The following PRKCB variants were observed in gnomAD, a reference collection of about 807,000 sequenced individuals.
PRKCB encodes protein kinase C beta type.
PRKCB carries 13 observed loss-of-function variants against 81.5 expected under a neutral mutation model. That is an observed-to-expected ratio of 0.16 (90% CI 0.10 to 0.25). PRKCB has a LOEUF of 0.25. PRKCB is among the 10% of genes least tolerant of loss of function. The probability of loss-of-function intolerance (pLI) is 1.00; values close to 1 mark genes in which losing one functional copy is unlikely to be tolerated. For missense variants in PRKCB, 509 were observed against 875.7 expected, an observed-to-expected ratio of 0.58 and a Z score of 5.29; for synonymous variants, 335 against 321.4, an observed-to-expected ratio of 1.04 and a Z score of -0.45.
intron 2 of PRKCB, among the ~76,000 whole-genome samples, chr16:23,957,220 T>G (rs1964361406): frequency 6.6e-6 from 1 of 152,068 alleles, no homozygotes; most frequent in Non-Finnish European, 1.5e-5. Flanking sequence ...TGAATAAAGT[T>G]GAAGTTAATA....
chr16:23,846,290 A>G (rs1962366815), intron 2 of PRKCB, among the ~76,000 whole-genome samples: 1 of 152,078 alleles, frequency 6.6e-6, no homozygotes, highest in Non-Finnish European at 1.5e-5. Context: ...TTTTAATTAT[A>G]AAGGAACTAC....
rs1309322804 is a variant in PRKCB, at chr16:23,898,267, T to A, written c.205+60861T>A. Among the ~76,000 whole-genome samples the A allele has an allele frequency of 3.9e-5, 6 of 152,002 alleles. No homozygotes were observed. The South Asian group carries it at 1.2e-3, about 32-fold the overall frequency. ...TTTTTAGTAGAGACAGGGTTTCACC[T>A]TGTTAGCCAGGATGGTCTTGATCTC... On this transcript the variant is annotated intron_variant, in intron 2 of 16. Transcript: ENST00000643927.
intron 9 of PRKCB, among the ~76,000 whole-genome samples, chr16:24,131,791 T>C (rs1056223791): frequency 6.6e-6 from 1 of 152,208 alleles, no homozygotes; most frequent in Non-Finnish European, 1.5e-5. Context: ...GAAGAGTAAT[T>C]TTGTTCTTGT....
chr16:24,116,766 T>TC (rs141141173), intron 8 of PRKCB, among the ~76,000 whole-genome samples: 6,715 of 152,328 alleles, frequency 0.044, 478 homozygotes, highest in African/African-American at 0.15. Flanking sequence ...TGAAGTGGTA[T>TC]CATTTGCTGC....
chr16:24,109,103 G>C (rs1406058201), intron 7 of PRKCB, among the ~76,000 whole-genome samples: 4 of 146,086 alleles, frequency 2.7e-5, no homozygotes, highest in Non-Finnish European at 6.1e-5. Context: ...CAGTAGGGGC[G>C]GCCGGGCAGA....
At chr16:23,920,820 T>G (rs149997872) in intron 2 of PRKCB, among the ~76,000 whole-genome samples, 1 of 152,344 alleles carries the variant, frequency 6.6e-6, no homozygotes, top group East Asian at 1.9e-4. Flanking sequence ...CACATTCTGT[T>G]GCCTTCTACA....
At chr16:23,919,879 C>A (rs1597246015) in intron 2 of PRKCB, among the ~76,000 whole-genome samples, 1 of 152,292 alleles carries the variant, frequency 6.6e-6, no homozygotes, top group East Asian at 1.9e-4. Flanking sequence ...TTATAGACTG[C>A]ACTTTTTTAT....
intron 5 of PRKCB, among the ~76,000 whole-genome samples, chr16:24,078,027 G>A (rs1408056219): frequency 6.6e-6 from 1 of 152,224 alleles, no homozygotes; most frequent in Non-Finnish European, 1.5e-5. Flanking sequence ...ATCACTTAAC[G>A]TTCTCACTGA....
intron 2 of PRKCB, among the ~76,000 whole-genome samples, chr16:23,839,473 G>T (rs1473132827): frequency 1.3e-5 from 2 of 152,066 alleles, no homozygotes; most frequent in African/African-American, 2.4e-5. Context: ...AAGGGGTCTT[G>T]TGATGTTGCA....
intron 16 of PRKCB, among the ~76,000 whole-genome samples, chr16:24,201,674 A>C (rs1298633064): frequency 6.6e-6 from 1 of 152,196 alleles, no homozygotes; most frequent in African/African-American, 2.4e-5. Context: ...TTGAAAAAAG[A>C]GAAGGAATGT....
intron 10 of PRKCB, among the ~76,000 whole-genome samples, chr16:24,156,942 G>A (rs1374566183): frequency 6.6e-6 from 1 of 152,220 alleles, no homozygotes; most frequent in Non-Finnish European, 1.5e-5. Flanking sequence ...CTGAGCAGCA[G>A]CAGTTTTCCA....
At position 24,201,609 on chromosome 16, in the gene PRKCB, C is replaced by T. The variant is rs149140624; in HGVS notation, c.1863+10379C>T. ...AGGGGGATGGAATGTGCTGATTGAC[C>T]GGGCCTGGGTCACCAGCCCCTCTTA... On this transcript the variant is annotated intron_variant, in intron 16 of 16. Coordinates refer to ENST00000643927, the MANE Select transcript of PRKCB (RefSeq NM_002738.7). Among the ~76,000 whole-genome samples the T allele has an allele frequency of 1.6e-3, 237 of 152,280 alleles. 1 individual carries two copies. The highest frequency in any genetic ancestry group is 1.9e-3 in the Non-Finnish European group (131 of 68,016).
At chr16:24,050,282 A>G (rs1359887081) in intron 5 of PRKCB, among the ~76,000 whole-genome samples, 1 of 152,198 alleles carries the variant, frequency 6.6e-6, no homozygotes, top group Non-Finnish European at 1.5e-5. Context: ...GTATGCCATC[A>G]TTGATGTCAA....
At chr16:24,143,201 C>T (rs1463287543) in intron 9 of PRKCB, among the ~76,000 whole-genome samples, 7 of 152,060 alleles carry the variant, frequency 4.6e-5, no homozygotes, top group Admixed American at 1.3e-4. Flanking sequence ...GGCATGATCT[C>T]GGCTCACTGC....
chr16:24,096,343 G>C (rs1385313534), intron 7 of PRKCB, among the ~76,000 whole-genome samples: 1 of 152,132 alleles, frequency 6.6e-6, no homozygotes, highest in Non-Finnish European at 1.5e-5. Flanking sequence ...CGTAAGGGCA[G>C]TTTGGAGGTT....
rs1018352542 is a variant in PRKCB, at chr16:24,003,373, T to C, written c.288+14783T>C. ...GCAACCCTAGTGGAGGAATTAGCCT[T>C]CTTCCTGCATTCGTTTTTTTTTTTT... On this transcript the variant is annotated intron_variant, in intron 3 of 16. Coordinates refer to ENST00000643927, the MANE Select transcript of PRKCB (RefSeq NM_002738.7). 8.4e-5 allele frequency among the ~76,000 whole-genome samples: 12 copies of C among 143,688 alleles called. No individual in the cohort carries two copies. The Admixed American group carries it at 8.5e-4, about 10-fold the overall frequency. 94.3% of individuals were successfully genotyped at this position (143,688 alleles called of 152,430 possible).
intron 2 of PRKCB, among the ~76,000 whole-genome samples, chr16:23,932,605 G>A (rs561038773): frequency 6.6e-6 from 1 of 152,342 alleles, no homozygotes; most frequent in South Asian, 2.1e-4. Context: ...AGACTGGAAG[G>A]ATCAGGCATC....
chr16:24,142,954 G>A (rs1248276580), intron 9 of PRKCB, among the ~76,000 whole-genome samples: 1 of 151,986 alleles, frequency 6.6e-6, no homozygotes, highest in African/African-American at 2.4e-5. Context: ...AGAGCTAGGG[G>A]TCGTGTGGTC....
At chr16:23,850,630 G>T (rs1371652456) in intron 2 of PRKCB, among the ~76,000 whole-genome samples, 1 of 152,168 alleles carries the variant, frequency 6.6e-6, no homozygotes, top group Non-Finnish European at 1.5e-5. Flanking sequence ...CTTCCAAAGT[G>T]CTGGAATTAC....
Sources: allele counts gnomAD v4.1 joint callset (sites outside exome capture counted in the v4.1 genomes callset), GRCh38; gene constraint gnomAD v4.1.1; transcripts MANE v1.5; gene names NCBI Gene and HGNC (gene_info 2026-07-23, HGNC 2026-07-21).